Variants in YAE1 observed in about 807,000 individuals in gnomAD.
YAE1 encodes protein YAE1 homolog.
In YAE1, 22 loss-of-function variants were observed where a neutral mutation model predicts 23.0. That is an observed-to-expected ratio of 0.96 (90% CI 0.68 to 1.37). The LOEUF (loss-of-function observed/expected upper bound fraction) is 1.37, where lower values mean the gene tolerates loss of function less well. Among genes scored for constraint, YAE1 ranks in the 40% most tolerant of loss-of-function variants. The probability of loss-of-function intolerance (pLI) is 0.00; values close to 1 mark genes in which losing one functional copy is unlikely to be tolerated. For synonymous variants in YAE1, 101 were observed against 97.0 expected (o/e 1.04, Z -0.24); for missense variants, 260 against 262.1 (o/e 0.99, Z 0.06).
intron 2 of YAE1, among the ~76,000 whole-genome samples, chr7:39,579,561 C>G (rs929731445): frequency 1.3e-5 from 2 of 151,596 alleles, no homozygotes; most frequent in Non-Finnish European, 2.9e-5. Context: ...CCCAGCTACT[C>G]AGGAGGCTGA....
intron 2 of YAE1, among the ~76,000 whole-genome samples, chr7:39,585,911 C>T (rs1039285075): frequency 4.6e-5 from 7 of 151,960 alleles, no homozygotes; most frequent in African/African-American, 1.4e-4. Context: ...GAGACCAGCC[C>T]GGGCAAGATG....
chr7:39,609,669 G>T lies in YAE1; in HGVS notation c.304G>T (p.Glu102Ter), dbSNP rs756328663. Residue 102 changes from glutamate (E) to a stop codon, truncating the protein, a stop_gained, in exon 3 of 3, where the codon GAG (glutamate) becomes TAG (stop). Coordinates refer to the YAE1 transcript ENST00000432096. LOFTEE classifies it low-confidence loss of function (END_TRUNC). ...CTTGAGAGCCCCGCTGAGGAGTCCG[G>T]AGGTTGGGACGCAACTACTGCCGCG... is the stretch of plus-strand genomic sequence containing the variant. The T allele has an allele frequency of 1.3e-6, 2 of 1,535,706 alleles. No homozygotes were observed. The highest frequency in any genetic ancestry group is 1.2e-5 in the South Asian group (1 of 84,066).
intron 2 of YAE1, among the ~76,000 whole-genome samples, chr7:39,579,899 C>T (rs1790716418): frequency 6.6e-6 from 1 of 151,962 alleles, no homozygotes; most frequent in African/African-American, 2.4e-5. Flanking sequence ...ATAATAATAG[C>T]CAGGCATGGT....
In YAE1 at chr7:39,572,623, A is replaced by G; in HGVS notation, c.598A>G (p.Thr200Ala). The change falls in exon 3 of 3, where the codon ACA becomes GCA. Residue 200 changes from threonine (T) to alanine (A), a missense_variant. Physicochemically the swap from Thr to Ala is moderately conservative, Grantham distance 58. Coordinates refer to ENST00000223273, the MANE Select transcript of YAE1 (RefSeq NM_020192.5). ...EHAHSENPSP[T>A]WILEQTASLV... ...TGCACATTCAGAAAACCCAAGCCCC[A>G]CATGGATTTTGGAACAGACAGCCAG... 1 of 1,614,036 alleles carries G rather than the reference A, an allele frequency of 6.2e-7. No homozygotes were observed. Among genetic ancestry groups the G allele is most frequent in the Non-Finnish European group, 8.5e-7 (1 of 1,179,932 alleles).
Position 39,572,795 on chromosome 7 carries a change from C to G in YAE1, c.*89C>G, listed in dbSNP as rs1484377264. The G allele has an allele frequency of 2.0e-6, 3 of 1,482,884 alleles. No individual in the cohort carries two copies. The highest frequency in any genetic ancestry group is 2.7e-6 in the Non-Finnish European group (3 of 1,122,690). 91.9% of individuals were successfully genotyped at this position (1,482,884 alleles called of 1,614,324 possible). On this transcript the variant is annotated 3_prime_UTR_variant, in exon 3 of 3. Transcript: ENST00000223273. ...TTGTACTGGTTTCTGCATCAAACAC[C>G]TCAACTGTAGGGTTACCCTTTATGG...
At chr7:39,598,925 T>G (rs1791016403) in intron 2 of YAE1, among the ~76,000 whole-genome samples, 2 of 151,918 alleles carry the variant, frequency 1.3e-5, no homozygotes, top group African/African-American at 4.8e-5. Context: ...TTAGAAGATG[T>G]ATAACGTAGG....
intron 2 of YAE1, among the ~76,000 whole-genome samples, chr7:39,588,863 G>A (rs779330393): frequency 2.7e-5 from 4 of 149,964 alleles, no homozygotes; most frequent in Non-Finnish European, 3.0e-5. Context: ...TTTATCTGTC[G>A]CCCAAGCTGG....
intron 2 of YAE1, among the ~76,000 whole-genome samples, chr7:39,588,108 C>G (rs919657086): frequency 2.0e-5 from 3 of 152,176 alleles, no homozygotes; most frequent in Admixed American, 6.5e-5. Context: ...TTGCTCCAGC[C>G]TAAACTTTTA....
At chr7:39,605,846 T>C (rs2115852400) in intron 2 of YAE1, among the ~76,000 whole-genome samples, 1 of 152,334 alleles carries the variant, frequency 6.6e-6, no homozygotes, top group Admixed American at 6.5e-5. Flanking sequence ...TTCTCTAGAT[T>C]ATCGTTTTTA....
chr7:39,575,282 C>G (rs569160848), downstream of YAE1, among the ~76,000 whole-genome samples: 1 of 152,156 alleles, frequency 6.6e-6, no homozygotes, highest in Non-Finnish European at 1.5e-5. Context: ...AGGAAGCCCA[C>G]AGAACCACAC....
At chr7:39,599,786 T>G (rs1791029645) in intron 2 of YAE1, among the ~76,000 whole-genome samples, 1 of 151,910 alleles carries the variant, frequency 6.6e-6, no homozygotes, top group Non-Finnish European at 1.5e-5. Flanking sequence ...CAGGCTGGAG[T>G]GCATGTTGGC....
chr7:39,609,597 C>T, intron 2 of YAE1: 1 of 1,530,786 alleles, frequency 6.5e-7, no homozygotes, highest in Non-Finnish European at 8.7e-7. Flanking sequence ...CTCTGTCTAT[C>T]CAATTGTCTA....
At position 39,603,923 on chromosome 7, in the gene YAE1, A is replaced by T. The variant is rs549332644; in HGVS notation, c.252-5694A>T. Among the ~76,000 whole-genome samples, 4 of 152,348 alleles carry T rather than the reference A, an allele frequency of 2.6e-5. No individual in the cohort carries two copies. In the South Asian group the frequency reaches 8.3e-4, roughly 32 times the overall value. The stretch of plus-strand genomic sequence containing the variant: ...TATTAGATCTTCCGCCAACTGTGAG[A>T]TGAGGGTTAACTCAGTTTTTGGTAT... On this transcript the variant is annotated intron_variant, in intron 2 of 2. Transcript: ENST00000432096.
At chr7:39,609,378 G>A (rs4723882) in intron 2 of YAE1, among the ~76,000 whole-genome samples, 41,340 of 152,142 alleles carry the variant, frequency 0.27, 7,313 homozygotes, top group African/African-American at 0.51. Context: ...CTATTAAGCT[G>A]TGCAGTGAAT....
intron 2 of YAE1, among the ~76,000 whole-genome samples, chr7:39,598,231 T>C (rs1410007047): frequency 6.6e-6 from 1 of 151,972 alleles, no homozygotes; most frequent in African/African-American, 2.4e-5. Flanking sequence ...TGCCTCAGCC[T>C]CCAGAGTAGC....
chr7:39,609,580 G>A lies in YAE1; in HGVS notation c.252-37G>A, dbSNP rs189550855. 1.2e-4 allele frequency: 180 copies of A among 1,520,604 alleles called. No homozygotes were observed. The African/African-American group carries it at 2.0e-3, about 17-fold the overall frequency. The allele number at this position is 1,520,604 out of a possible 1,614,324, so 94.2% of individuals were successfully genotyped here. ...AAGTTGTGGGGACAGTGATAACAGA[G>A]CCAAATCTCTGTCTATCCAATTGTC... is the stretch of plus-strand genomic sequence containing the variant. On this transcript the variant is annotated intron_variant, in intron 2 of 2. Coordinates refer to the YAE1 transcript ENST00000432096.
intron 2 of YAE1, among the ~76,000 whole-genome samples, chr7:39,592,885 G>A (rs11768335): frequency 0.22 from 32,960 of 151,938 alleles, 3,648 homozygotes; most frequent in South Asian, 0.34. Context: ...CACCAAATTC[G>A]GAAACACTTT....
chr7:39,608,088 C>G (rs1050614193), intron 2 of YAE1, among the ~76,000 whole-genome samples: 1 of 152,186 alleles, frequency 6.6e-6, no homozygotes, highest in African/African-American at 2.4e-5. Context: ...CCCTTGACTC[C>G]TTTATTTCTG....
At chr7:39,611,465 C>T (rs781547246), downstream of YAE1, among the ~76,000 whole-genome samples, 6 of 152,170 alleles carry the variant, frequency 3.9e-5, no homozygotes, top group African/African-American at 9.7e-5. Context: ...AGTGCTGGGC[C>T]GAGGCAGGCT....
Sources: gnomAD v4.1 joint callset for allele counts (sites outside exome capture counted in the v4.1 genomes callset) on GRCh38, gnomAD v4.1.1 for gene constraint, MANE v1.5 for transcripts, NCBI Gene and HGNC (gene_info 2026-07-23, HGNC 2026-07-21) for gene names.